TNFSF4: variants seen among roughly 807,000 people sequenced by gnomAD.
The protein encoded by TNFSF4 is tumor necrosis factor ligand superfamily member 4.
TNFSF4 carries 4 observed loss-of-function variants against 7.3 expected under a neutral mutation model. That is an observed-to-expected ratio of 0.55 (90% CI 0.27 to 1.25). The LOEUF (loss-of-function observed/expected upper bound fraction) is 1.25, where lower values mean the gene tolerates loss of function less well. Among genes scored for constraint, TNFSF4 ranks in the 50% most tolerant of loss-of-function variants. The probability of loss-of-function intolerance (pLI) is 0.12; values close to 1 mark genes in which losing one functional copy is unlikely to be tolerated. For synonymous variants in TNFSF4, 76 were observed against 83.7 expected, an observed-to-expected ratio of 0.91 and a Z score of 0.50; for missense variants, 181 against 208.8, an observed-to-expected ratio of 0.87 and a Z score of 0.82.
chr1:173,357,895 T>C, the TNFSF4 span, among the ~76,000 whole-genome samples: 1 of 152,094 alleles, frequency 6.6e-6, no homozygotes, highest in South Asian at 2.1e-4. Flanking sequence ...ACACACACTA[T>C]AGTATAGATA....
the TNFSF4 span, among the ~76,000 whole-genome samples, chr1:173,420,649 A>ACT: frequency 6.6e-6 from 1 of 152,256 alleles, no homozygotes; most frequent in South Asian, 2.1e-4. Context: ...AAGAAAAGAA[A>ACT]GTAAACACTT....
the TNFSF4 span, among the ~76,000 whole-genome samples, chr1:173,229,232 T>A: frequency 6.6e-6 from 1 of 152,242 alleles, no homozygotes; most frequent in Non-Finnish European, 1.5e-5. Flanking sequence ...ACAGCGGATC[T>A]CTCAGCAGAA....
the TNFSF4 span, among the ~76,000 whole-genome samples, chr1:173,422,410 T>C: frequency 6.6e-6 from 1 of 151,046 alleles, no homozygotes; most frequent in Non-Finnish European, 1.5e-5. Context: ...GTGAGTGCTA[T>C]GTGCCAGCCT....
the TNFSF4 span, among the ~76,000 whole-genome samples, chr1:173,271,120 T>C: frequency 6.6e-6 from 1 of 152,136 alleles, no homozygotes; most frequent in Non-Finnish European, 1.5e-5. Context: ...GCTAGTTTCT[T>C]TTGCTGTGCA....
At chr1:173,360,351 G>T in the TNFSF4 span, among the ~76,000 whole-genome samples, 1 of 152,238 alleles carries the variant, frequency 6.6e-6, no homozygotes, top group South Asian at 2.1e-4. Context: ...ACAAGTCACT[G>T]CTGACTGTGG....
intron 1 of TNFSF4, among the ~76,000 whole-genome samples, chr1:173,197,433 C>T (rs1249816643): frequency 6.6e-6 from 1 of 152,200 alleles, no homozygotes; most frequent in Non-Finnish European, 1.5e-5. Flanking sequence ...ATGGAATCAA[C>T]CCAAATGCCC....
At chr1:173,381,682 C>G in the TNFSF4 span, among the ~76,000 whole-genome samples, 4 of 152,194 alleles carry the variant, frequency 2.6e-5, no homozygotes, top group Non-Finnish European at 5.9e-5. Context: ...CACCCCTATC[C>G]AGCAGGAAGT....
the TNFSF4 span, among the ~76,000 whole-genome samples, chr1:173,271,432 G>C: frequency 6.6e-6 from 1 of 151,896 alleles, no homozygotes; most frequent in Middle Eastern, 3.2e-3. Context: ...GTTTTTGTCA[G>C]GTTTGTCAAA....
chr1:173,423,856 A>G, the TNFSF4 span, among the ~76,000 whole-genome samples: 1 of 152,198 alleles, frequency 6.6e-6, no homozygotes, highest in Non-Finnish European at 1.5e-5. Context: ...TGTAAACAAT[A>G]AAAAATTTAT....
At chr1:173,360,391 C>T in the TNFSF4 span, among the ~76,000 whole-genome samples, 3 of 152,230 alleles carry the variant, frequency 2.0e-5, no homozygotes, top group Non-Finnish European at 2.9e-5. Context: ...TTTCCTCCCA[C>T]TACCTGTGGG....
At chr1:173,288,764 TA>T in the TNFSF4 span, among the ~76,000 whole-genome samples, 1 of 152,166 alleles carries the variant, frequency 6.6e-6, no homozygotes, top group South Asian at 2.1e-4. Context: ...AATAAAATCA[TA>T]ATAGAAATTT....
the TNFSF4 span, among the ~76,000 whole-genome samples, chr1:173,397,726 G>A: frequency 1.3e-5 from 2 of 152,166 alleles, no homozygotes; most frequent in Admixed American, 6.5e-5. Flanking sequence ...GAAGCCATTT[G>A]GAAAAGGCTT....
chr1:173,192,911 A>T (rs1196005998), intron 1 of TNFSF4, among the ~76,000 whole-genome samples: 4 of 152,228 alleles, frequency 2.6e-5, no homozygotes, highest in Admixed American at 6.5e-5. Flanking sequence ...GTCATGGAAC[A>T]TTGCAAGAAG....
At chr1:173,285,602 C>T in the TNFSF4 span, among the ~76,000 whole-genome samples, 1 of 152,138 alleles carries the variant, frequency 6.6e-6, no homozygotes, top group Non-Finnish European at 1.5e-5. Context: ...TTGCCACTGC[C>T]ACCACAACAT....
At chr1:173,359,141 C>T in the TNFSF4 span, among the ~76,000 whole-genome samples, 2 of 152,092 alleles carry the variant, frequency 1.3e-5, no homozygotes, top group African/African-American at 4.8e-5. Context: ...TTATGTCATA[C>T]GTAATAATGT....
chr1:173,229,837 G>A, the TNFSF4 span, among the ~76,000 whole-genome samples: 2 of 152,102 alleles, frequency 1.3e-5, no homozygotes, highest in Non-Finnish European at 2.9e-5. Context: ...AGACAAAGAA[G>A]GCCATTGCAT....
At chr1:173,430,064 C>A in the TNFSF4 span, among the ~76,000 whole-genome samples, 2 of 152,026 alleles carry the variant, frequency 1.3e-5, no homozygotes, top group Non-Finnish European at 2.9e-5. Context: ...TGAGTCAAAC[C>A]CCAGCAGGCT....
At chr1:173,374,099 G>C in the TNFSF4 span, among the ~76,000 whole-genome samples, 1 of 152,146 alleles carries the variant, frequency 6.6e-6, no homozygotes, top group South Asian at 2.1e-4. Flanking sequence ...CCATGCCCTT[G>C]TTAAAAATCC....
chr1:173,364,516 G>A, the TNFSF4 span, among the ~76,000 whole-genome samples: 5 of 151,728 alleles, frequency 3.3e-5, no homozygotes, highest in African/African-American at 1.2e-4. Flanking sequence ...TGGGGAACTG[G>A]ATGGTATTTT....
Sources: allele counts gnomAD v4.1 joint callset (sites outside exome capture counted in the v4.1 genomes callset), GRCh38; gene constraint gnomAD v4.1.1; transcripts MANE v1.5; gene names NCBI Gene and HGNC (gene_info 2026-07-23, HGNC 2026-07-21).